The following ZNF680 variants were observed in gnomAD, a reference collection of about 807,000 sequenced individuals.
ZNF680 encodes zinc finger protein 680.
Under a neutral mutation model 12.1 loss-of-function variants are expected in ZNF680, and 6 were observed. The ratio of observed to expected loss-of-function variants is 0.49; its 90% CI spans 0.27 to 0.98. The LOEUF is 0.98. Ranked by LOEUF, ZNF680 falls within the 50% of genes least tolerant of loss-of-function variation. The probability of loss-of-function intolerance (pLI) is 0.12; values close to 1 mark genes in which losing one functional copy is unlikely to be tolerated. For synonymous variants in ZNF680, 170 were observed against 199.3 expected, an observed-to-expected ratio of 0.85 and a Z score of 1.24; for missense variants, 561 against 616.3, an observed-to-expected ratio of 0.91 and a Z score of 0.95.
chr7:64,542,652 G>A (rs1477126344), intron 3 of ZNF680, among the ~76,000 whole-genome samples: 1 of 152,048 alleles, frequency 6.6e-6, no homozygotes, highest in Non-Finnish European at 1.5e-5. Flanking sequence ...AAACAAGGAG[G>A]TAAAAAAATC....
At chr7:64,540,757 AAAG>A (rs1336128882) in intron 3 of ZNF680, among the ~76,000 whole-genome samples, 34 of 143,124 alleles carry the variant, frequency 2.4e-4, no homozygotes, top group Admixed American at 4.2e-4. Context: ...AACAATAACT[AAAG>A]AAGTTTACTC....
chr7:64,513,552 T>G, the ZNF680 span, among the ~76,000 whole-genome samples: 5 of 152,118 alleles, frequency 3.3e-5, no homozygotes, highest in East Asian at 9.6e-4. Flanking sequence ...TCTAATTAGT[T>G]AAAATTGAAG....
chr7:64,527,397 T>G (rs961547705), intron 3 of ZNF680, among the ~76,000 whole-genome samples: 3 of 151,568 alleles, frequency 2.0e-5, no homozygotes, highest in African/African-American at 7.3e-5. Flanking sequence ...TTAATTAAAC[T>G]AATTAATAAA....
At chr7:64,555,344 C>CT (rs1787349176) in intron 1 of ZNF680, among the ~76,000 whole-genome samples, 2 of 93,754 alleles carry the variant, frequency 2.1e-5, no homozygotes, top group Non-Finnish European at 4.7e-5. Flanking sequence ...TAATTCAATA[C>CT]CAAAAAAAAA....
chr7:64,536,698 T>A (rs1786187116), intron 3 of ZNF680, among the ~76,000 whole-genome samples: 1 of 152,160 alleles, frequency 6.6e-6, no homozygotes, highest in Non-Finnish European at 1.5e-5. Flanking sequence ...AACTTCTCAG[T>A]CAAAAGCAAC....
intron 3 of ZNF680, among the ~76,000 whole-genome samples, chr7:64,539,351 CA>C (rs1170166478): frequency 0.012 from 563 of 48,482 alleles, 2 homozygotes; most frequent in East Asian, 0.059. Context: ...AACTTCGTCT[CA>C]AAAAAAAAAA....
intron 2 of ZNF680, 115 bp from the exon 3 acceptor site, chr7:64,543,917 T>G (rs1477430820): frequency 5.8e-6 from 5 of 863,950 alleles, no homozygotes; most frequent in South Asian, 1.7e-5. Flanking sequence ...AATCCCAAAT[T>G]ACTAATTTAT....
chr7:64,505,562 G>T, the ZNF680 span, among the ~76,000 whole-genome samples: 1 of 152,088 alleles, frequency 6.6e-6, no homozygotes, highest in East Asian at 1.9e-4. Flanking sequence ...TTTAATTATA[G>T]TAAGAATGAG....
the ZNF680 span, among the ~76,000 whole-genome samples, chr7:64,513,972 C>T: frequency 7.9e-5 from 12 of 152,048 alleles, no homozygotes; most frequent in African/African-American, 2.9e-4. Context: ...ATAATAAGAG[C>T]TAGTAAAAGG....
intron 3 of ZNF680, among the ~76,000 whole-genome samples, chr7:64,535,431 G>GGA (rs372915423): frequency 8.4e-5 from 12 of 142,576 alleles, no homozygotes; most frequent in South Asian, 2.4e-4. Flanking sequence ...AGGGAGGGAG[G>GGA]GAGAGAGAGA....
At chr7:64,517,128 A>C (rs1296112165), downstream of ZNF680, among the ~76,000 whole-genome samples, 1 of 152,104 alleles carries the variant, frequency 6.6e-6, no homozygotes, top group Non-Finnish European at 1.5e-5. Flanking sequence ...GAACTAAATA[A>C]GATTAAAAAG....
intron 3 of ZNF680, among the ~76,000 whole-genome samples, chr7:64,539,368 A>AAAAAAAAAAAAAAAAAC (rs1786369070): frequency 7.3e-6 from 1 of 137,306 alleles, no homozygotes; most frequent in African/African-American, 2.9e-5. Flanking sequence ...AAAAAAAAAA[A>AAAAAAAAAAAAAAAAAC]AAAAAAAGAA....
At chr7:64,529,031 A>G (rs945669288) in intron 3 of ZNF680, among the ~76,000 whole-genome samples, 1 of 152,204 alleles carries the variant, frequency 6.6e-6, no homozygotes, top group Admixed American at 6.5e-5. Flanking sequence ...TTCCAGCCCA[A>G]AGTTTGGTAG....
chr7:64,561,477 T>A (rs1787729826), intron 1 of ZNF680, among the ~76,000 whole-genome samples: 1 of 152,084 alleles, frequency 6.6e-6, no homozygotes, highest in Admixed American at 6.6e-5. Context: ...TCTGTGCCTA[T>A]GGAAGATAAA....
At chr7:64,500,318 A>AT in the ZNF680 span, among the ~76,000 whole-genome samples, 1 of 152,216 alleles carries the variant, frequency 6.6e-6, no homozygotes, top group Non-Finnish European at 1.5e-5. Flanking sequence ...GAAAAAAGAT[A>AT]TAAAAACAAA....
chr7:64,501,575 G>A, the ZNF680 span: 1 of 763,416 alleles, frequency 1.3e-6, no homozygotes, highest in Non-Finnish European at 2.4e-6. Context: ...TGAAGTCTGA[G>A]GGGGGCGCAG....
the ZNF680 span, among the ~76,000 whole-genome samples, chr7:64,508,144 CA>C: frequency 6.4e-4 from 38 of 59,616 alleles, no homozygotes; most frequent in Middle Eastern, 6.7e-3. Context: ...TATATATATA[CA>C]TAATTTTTTT....
chr7:64,544,128 G>C (rs1459807640), intron 2 of ZNF680, 178 bp downstream of exon 2: 1 of 865,090 alleles, frequency 1.2e-6, no homozygotes, highest in East Asian at 3.2e-5. Context: ...GGAAAGTTCA[G>C]GTCAAGATGA....
intron 3 of ZNF680, among the ~76,000 whole-genome samples, chr7:64,536,237 A>AT (rs1170566094): frequency 6.6e-6 from 1 of 152,244 alleles, no homozygotes; most frequent in Non-Finnish European, 1.5e-5. Context: ...AAACTTAGAC[A>AT]TTATAGACTG....
Sources: gnomAD v4.1 joint callset for allele counts (sites outside exome capture counted in the v4.1 genomes callset) on GRCh38, gnomAD v4.1.1 for gene constraint, MANE v1.5 for transcripts, NCBI Gene and HGNC (gene_info 2026-07-23, HGNC 2026-07-21) for gene names.